Variants in TRHDE observed in about 807,000 individuals in gnomAD.
TRHDE encodes thyrotropin-releasing hormone-degrading ectoenzyme.
TRHDE carries 72 observed loss-of-function variants against 125.7 expected under a neutral mutation model. The ratio of observed to expected loss-of-function variants is 0.57; its 90% CI spans 0.47 to 0.70. The LOEUF (loss-of-function observed/expected upper bound fraction) is 0.70. TRHDE is among the 30% of genes least tolerant of loss of function. The pLI is 0.00. For synonymous variants in TRHDE, 509 were observed against 509.1 expected (o/e 1.00, Z 0.00); for missense variants, 1,110 against 1,327.1 (o/e 0.84, Z 2.54).
chr12:72,219,158 T>C (rs1877953550), intron 2 of TRHDE, among the ~76,000 whole-genome samples: 1 of 146,438 alleles, frequency 6.8e-6, no homozygotes, highest in Non-Finnish European at 1.5e-5. Flanking sequence ...AAATGTTTTG[T>C]GTATTTTTTT....
chr12:72,352,808 A>T (rs189047924), intron 2 of TRHDE, among the ~76,000 whole-genome samples: 1 of 151,884 alleles, frequency 6.6e-6, no homozygotes, highest in East Asian at 1.9e-4. Context: ...CCTTTTAACA[A>T]TGATAAATTG....
chr12:72,386,179 T>G (rs369147773), intron 3 of TRHDE, among the ~76,000 whole-genome samples: 96 of 152,358 alleles, frequency 6.3e-4, no homozygotes, highest in African/African-American at 2.2e-3. Flanking sequence ...GGTTTACTCC[T>G]AAGCATATAT....
chr12:72,142,893 A>C (rs1876150102), intron 2 of TRHDE, among the ~76,000 whole-genome samples: 1 of 151,612 alleles, frequency 6.6e-6, no homozygotes, highest in Admixed American at 6.6e-5. Context: ...CTCCCCATCC[A>C]TCTCACCGAG....
At chr12:72,626,906 T>C (rs1325280272) in intron 15 of TRHDE, among the ~76,000 whole-genome samples, 2 of 151,920 alleles carry the variant, frequency 1.3e-5, no homozygotes, top group Non-Finnish European at 2.9e-5. Context: ...TCCAAGTTGG[T>C]GTGGTCCTAT....
chr12:72,226,099 G>A (rs1878123080), intron 2 of TRHDE, among the ~76,000 whole-genome samples: 4 of 152,336 alleles, frequency 2.6e-5, no homozygotes, highest in African/African-American at 9.6e-5. Context: ...GGTGTGCATA[G>A]GCATGATGAG....
intron 3 of TRHDE, among the ~76,000 whole-genome samples, chr12:72,407,003 A>G (rs759398323): frequency 1.1e-4 from 16 of 152,178 alleles, no homozygotes; most frequent in Non-Finnish European, 2.1e-4. Flanking sequence ...CAAAATGACA[A>G]GCTGTTCCGT....
At chr12:72,418,924 T>C (rs1034607880) in intron 3 of TRHDE, among the ~76,000 whole-genome samples, 2 of 152,158 alleles carry the variant, frequency 1.3e-5, no homozygotes, top group Non-Finnish European at 2.9e-5. Context: ...ATCTCTATTA[T>C]TAAAAAGTTA....
chr12:72,225,198 G>T (rs544157116), intron 2 of TRHDE, among the ~76,000 whole-genome samples: 1 of 152,208 alleles, frequency 6.6e-6, no homozygotes, highest in East Asian at 1.9e-4. Flanking sequence ...TGATCATGTT[G>T]AATTACTCTG....
intron 4 of TRHDE, among the ~76,000 whole-genome samples, chr12:72,471,279 G>T (rs1876637250): frequency 6.6e-6 from 1 of 152,106 alleles, no homozygotes; most frequent in African/African-American, 2.4e-5. Flanking sequence ...CAGGCTTAAG[G>T]GGGATCCTTT....
chr12:72,207,091 A>G (rs1477149614), intron 2 of TRHDE, among the ~76,000 whole-genome samples: 1 of 152,162 alleles, frequency 6.6e-6, no homozygotes, highest in Non-Finnish European at 1.5e-5. Context: ...TTTACTTGCA[A>G]TGTTATTTTA....
At chr12:72,187,982 GA>G (rs1369389791) in intron 2 of TRHDE, among the ~76,000 whole-genome samples, 3 of 152,162 alleles carry the variant, frequency 2.0e-5, no homozygotes, top group Non-Finnish European at 4.4e-5. Context: ...TAATTAATAT[GA>G]AAATATGGGA....
At chr12:72,514,949 C>T (rs1266815697) in intron 6 of TRHDE, among the ~76,000 whole-genome samples, 1 of 149,616 alleles carries the variant, frequency 6.7e-6, no homozygotes, top group Non-Finnish European at 1.5e-5. Context: ...CATCCATGTC[C>T]CTACAAAGGA....
intron 2 of TRHDE, among the ~76,000 whole-genome samples, chr12:72,251,252 C>T (rs1878677828): frequency 6.6e-6 from 1 of 151,940 alleles, no homozygotes; most frequent in Non-Finnish European, 1.5e-5. Context: ...GTCCCATCAC[C>T]ATAAGGGTCC....
intron 2 of TRHDE, among the ~76,000 whole-genome samples, chr12:72,330,512 T>G (rs1275025232): frequency 6.6e-6 from 1 of 152,184 alleles, no homozygotes; most frequent in African/African-American, 2.4e-5. Context: ...CCTGTGGTCA[T>G]GCTTCTGCAG....
At chr12:72,266,319 G>A (rs1003161357) in intron 2 of TRHDE, among the ~76,000 whole-genome samples, 17 of 151,668 alleles carry the variant, frequency 1.1e-4, no homozygotes, top group African/African-American at 2.7e-4. Context: ...GTAAATTTGC[G>A]CTGTCAAATA....
chr12:72,312,797 C>T (rs74105327), intron 2 of TRHDE, among the ~76,000 whole-genome samples: 18,720 of 152,026 alleles, frequency 0.12, 2,132 homozygotes, highest in African/African-American at 0.3. Flanking sequence ...GTATTTGGTC[C>T]AGGAATTCTA....
chr12:72,318,766 G>C lies in TRHDE; in HGVS notation c.1188+31812G>C, dbSNP rs536174775. Among the ~76,000 whole-genome samples, 3 of 152,100 alleles carry C rather than the reference G, an allele frequency of 2.0e-5. No homozygotes were observed. The South Asian group carries it at 6.2e-4, about 32-fold the overall frequency. ...TGTCTAAAAATGGAACGATTTCAGA[G>C]TTATGAGGAATATATGAAATAATAA... On this transcript the variant is annotated intron_variant, in intron 2 of 18. Coordinates refer to ENST00000261180, the MANE Select transcript of TRHDE (RefSeq NM_013381.3).
intron 2 of TRHDE, among the ~76,000 whole-genome samples, chr12:72,292,572 AT>A (rs763722566): frequency 2.6e-4 from 39 of 152,216 alleles, no homozygotes; most frequent in Non-Finnish European, 5.4e-4. Context: ...TTTCCATAGC[AT>A]TACAAGTAAT....
chr12:72,302,389 G>A (rs187033581), intron 2 of TRHDE, among the ~76,000 whole-genome samples: 1 of 151,886 alleles, frequency 6.6e-6, no homozygotes, highest in Non-Finnish European at 1.5e-5. Flanking sequence ...TGCCCTAATG[G>A]AACTTCATAA....
Sources: gnomAD v4.1 joint callset for allele counts (sites outside exome capture counted in the v4.1 genomes callset) on GRCh38, gnomAD v4.1.1 for gene constraint, MANE v1.5 for transcripts, NCBI Gene and HGNC (gene_info 2026-07-23, HGNC 2026-07-21) for gene names.